Variants in MOK observed in about 807,000 individuals in gnomAD.
The protein encoded by MOK is MOK protein kinase.
MOK carries 59 observed loss-of-function variants against 54.2 expected under a neutral mutation model. The observed-to-expected ratio is 1.09, with a 90% CI of 0.88 to 1.35. The LOEUF is 1.35. Among genes scored for constraint, MOK ranks in the 40% most tolerant of loss-of-function variants. The probability of loss-of-function intolerance (pLI) is 0.00; values close to 1 mark genes in which losing one functional copy is unlikely to be tolerated. For missense variants in MOK, 517 were observed against 526.2 expected (o/e 0.98, Z 0.17); for synonymous variants, 210 against 202.7 (o/e 1.04, Z -0.31).
intron 7 of MOK, among the ~76,000 whole-genome samples, chr14:102,242,436 T>C (rs995078751): frequency 3.3e-5 from 5 of 152,076 alleles, no homozygotes; most frequent in South Asian, 2.1e-4. Flanking sequence ...CCACACCTCA[T>C]TGCTGCCCTT....
At chr14:102,254,786 C>T (rs927001260) in intron 4 of MOK, among the ~76,000 whole-genome samples, 1 of 152,188 alleles carries the variant, frequency 6.6e-6, no homozygotes, top group Non-Finnish European at 1.5e-5. Context: ...CCCACCACCC[C>T]CTTCTTGTTT....
intron 2 of MOK, among the ~76,000 whole-genome samples, chr14:102,280,323 T>C (rs1209246223): frequency 6.6e-6 from 1 of 152,038 alleles, no homozygotes; most frequent in Non-Finnish European, 1.5e-5. Context: ...ATCCTCCCAC[T>C]TCAGCCTCCC....
chr14:102,299,496 C>G (rs2071904179), intron 1 of MOK, among the ~76,000 whole-genome samples: 1 of 151,278 alleles, frequency 6.6e-6, no homozygotes, highest in African/African-American at 2.4e-5. Context: ...GCCTGGGCAA[C>G]AGAGTGAGAC....
chr14:102,302,916 C>G (rs980986151), intron 1 of MOK, among the ~76,000 whole-genome samples: 1 of 151,342 alleles, frequency 6.6e-6, no homozygotes, highest in Admixed American at 6.6e-5. Flanking sequence ...AATTCCAACA[C>G]TTTGGGAGGC....
rs2065665373 is a variant in MOK, at chr14:102,240,946, GACCTAAAACCTAAGTGTCTTCGCCAAC to G, written c.591-7184_591-7158del. On this transcript the variant is annotated intron_variant, in intron 7 of 11. Coordinates refer to ENST00000361847, the MANE Select transcript of MOK (RefSeq NM_014226.3). This position sits in a 1 kb window ranked among gnomAD's most constrained non-coding sequence, Gnocchi z 5.4. ...CTTAAAACCTCTTCAACTCTTGCCT[GACCTAAAACCTAAGTGTCTTCGCCAAC>G]ACCACTTGGCCCCAATACAAACTCG... 6.6e-6 allele frequency among the ~76,000 whole-genome samples: 1 copy of G among 152,132 alleles called. No homozygotes were observed. The highest frequency in any genetic ancestry group is 1.5e-5 in the Non-Finnish European group (1 of 68,036).
At chr14:102,224,859 G>A (rs2064178271), downstream of MOK, 1 of 453,076 alleles carries the variant, frequency 2.2e-6, no homozygotes, top group Non-Finnish European at 4.4e-6. Context: ...CAGAATGGAT[G>A]AATTAGACAC....
rs1376920292 is a variant in MOK at position 102,283,521 on chromosome 14, C to T, written c.79G>A (p.Gly27Arg). The part of the protein sequence containing the change: ...EVMKMQSLRD[G>R]NYYACKQMKQ... Reference sequence around the variant, plus strand: ...ATTTGTTTACATGCATAGTAGTTTCCATCTCTCAGGCTTTGCATCTTCATA... The same window carrying T: ...ATTTGTTTACATGCATAGTAGTTTCTATCTCTCAGGCTTTGCATCTTCATA... The change falls in exon 2 of 12, where the codon GGA (glycine) becomes AGA (arginine). Residue 27 changes from glycine to arginine, a missense_variant. Physicochemically the swap from Gly to Arg is moderately radical, Grantham distance 125. Transcript: ENST00000361847. 2.5e-6 allele frequency: 4 copies of T among 1,613,550 alleles called. No individual in the cohort carries two copies. The African/African-American group carries it at 5.3e-5, about 22-fold the overall frequency.
intron 1 of MOK, among the ~76,000 whole-genome samples, chr14:102,298,947 C>T (rs2071805319): frequency 6.6e-6 from 1 of 152,166 alleles, no homozygotes; most frequent in African/African-American, 2.4e-5. Context: ...TGCAGCTTCA[C>T]TCCTGAAGCC....
intron 2 of MOK, among the ~76,000 whole-genome samples, chr14:102,268,354 C>T (rs1024334147): frequency 6.6e-6 from 1 of 151,278 alleles, no homozygotes. Flanking sequence ...CAACTCTGTC[C>T]CCTCTTTTAA....
intron 7 of MOK, among the ~76,000 whole-genome samples, chr14:102,244,120 G>A (rs573217085): frequency 1.2e-3 from 178 of 152,238 alleles, no homozygotes; most frequent in East Asian, 1.7e-3. Flanking sequence ...TCTCAAGGTC[G>A]CTTTACTTCC....
chr14:102,247,593 C>T (rs1353911694), intron 7 of MOK: 1 of 152,220 alleles, frequency 6.6e-6, no homozygotes, highest in Non-Finnish European at 1.5e-5. Context: ...AATCCCTCTC[C>T]AAAGACCTCA....
intron 2 of MOK, among the ~76,000 whole-genome samples, chr14:102,274,095 C>T (rs2068627341): frequency 6.6e-6 from 1 of 151,726 alleles, no homozygotes; most frequent in Non-Finnish European, 1.5e-5. Context: ...GTAGCTGGGA[C>T]TATAGGCGCC....
chr14:102,227,560 C>T (rs182514079), downstream of MOK, among the ~76,000 whole-genome samples: 2 of 152,298 alleles, frequency 1.3e-5, no homozygotes, highest in East Asian at 1.9e-4. Context: ...GCACTGCACC[C>T]TGCTCTGGAA....
downstream of MOK, chr14:102,226,443 C>A (rs1411364236): frequency 4.3e-6 from 3 of 702,690 alleles, no homozygotes; most frequent in Admixed American, 6.0e-5. This position sits in a 1 kb window ranked among gnomAD's most constrained non-coding sequence, Gnocchi z 4.8. Flanking sequence ...AATTGCATTG[C>A]ACAGAAGAAT....
intron 7 of MOK, among the ~76,000 whole-genome samples, chr14:102,250,191 A>T (rs1406119770): frequency 4.6e-5 from 7 of 151,914 alleles, no homozygotes; most frequent in African/African-American, 1.7e-4. Flanking sequence ...CCTCAGATGC[A>T]CCCCCAGACC....
chr14:102,218,092 A>G, the MOK span, among the ~76,000 whole-genome samples: 1 of 152,180 alleles, frequency 6.6e-6, no homozygotes, highest in Non-Finnish European at 1.5e-5. Flanking sequence ...GTCTTGTGGT[A>G]CTTTGTCCAC....
At chr14:102,234,427 G>A (rs1017546620) in intron 7 of MOK, among the ~76,000 whole-genome samples, 1 of 152,066 alleles carries the variant, frequency 6.6e-6, no homozygotes, top group East Asian at 1.9e-4. Context: ...ACTCTTGACC[G>A]TCCATCTCCC....
chr14:102,233,456 C>G, intron 8 of MOK: 1 of 508,852 alleles, frequency 2.0e-6, no homozygotes, highest in Middle Eastern at 5.4e-4. Flanking sequence ...CCTCAGAAAG[C>G]CTGTGACAAA....
chr14:102,294,439 C>A (rs2071203300), intron 1 of MOK, among the ~76,000 whole-genome samples: 2 of 149,032 alleles, frequency 1.3e-5, no homozygotes, highest in Admixed American at 6.7e-5. Flanking sequence ...GAGCGAGACT[C>A]CGTCTCAAAA....
Sources: gnomAD v4.1 joint callset for allele counts (sites outside exome capture counted in the v4.1 genomes callset) on GRCh38, gnomAD v4.1.1 for gene constraint, Gnocchi (gnomAD v3.1) non-coding constraint, MANE v1.5 for transcripts, NCBI Gene and HGNC (gene_info 2026-07-23, HGNC 2026-07-21) for gene names.